The following P4HA3 variants were observed in gnomAD, a reference collection of about 807,000 sequenced individuals.
P4HA3 encodes the protein prolyl 4-hydroxylase subunit alpha 3.
In P4HA3, 60 loss-of-function variants were observed where a neutral mutation model predicts 66.7. That is an observed-to-expected ratio of 0.90 (90% CI 0.73 to 1.12). The LOEUF is 1.12. Among genes scored for constraint, P4HA3 ranks in the 50% most tolerant of loss-of-function variants. P4HA3 has a pLI of 0.00. For missense variants in P4HA3, 683 were observed against 685.8 expected (o/e 1.00, Z 0.05); for synonymous variants, 263 against 274.6 (o/e 0.96, Z 0.42).
At chr11:74,303,352 T>C (rs1861475011) in intron 2 of P4HA3, among the ~76,000 whole-genome samples, 1 of 148,094 alleles carries the variant, frequency 6.8e-6, no homozygotes, top group Non-Finnish European at 1.5e-5. Context: ...TAGAGAGCAG[T>C]GGCGCAATCT....
intron 4 of P4HA3, among the ~76,000 whole-genome samples, chr11:74,289,539 C>T (rs1041241277): frequency 1.3e-5 from 2 of 151,674 alleles, no homozygotes; most frequent in Non-Finnish European, 2.9e-5. Flanking sequence ...TGGTGTGCTG[C>T]ACCCATTAAC....
chr11:74,267,259 G>A lies in P4HA3; in HGVS notation c.1624C>T (p.Pro542Ser). 6.2e-7 allele frequency: 1 copy of A among 1,614,168 alleles called. No homozygotes were observed. Among genetic ancestry groups the A allele is most frequent in the Non-Finnish European group, 8.5e-7 (1 of 1,180,026 alleles). ...TCTCTGCCAACAGTTCAGTCTTCAGGGCTGGAGCTGCAGGGTCTGCGGAAT... is the reference window on the plus strand; with the variant it reads ...TCTCTGCCAACAGTTCAGTCTTCAGAGCTGGAGCTGCAGGGTCTGCGGAAT... ...QEFRRPCSSS[P>S]ED The change falls in exon 13 of 13, where the codon CCT becomes TCT. Residue 542 changes from proline to serine, a missense_variant. Physicochemically the swap from Pro to Ser is moderately conservative, Grantham distance 74. Transcript: ENST00000331597.
intron 4 of P4HA3, among the ~76,000 whole-genome samples, chr11:74,296,089 A>C (rs993863932): frequency 6.6e-6 from 1 of 152,266 alleles, no homozygotes; most frequent in Admixed American, 6.5e-5. Flanking sequence ...TGTATGTATC[A>C]TGTAATAAGA....
chr11:74,251,958 C>T, intron 15 of P4HA3: 1 of 700,878 alleles, frequency 1.4e-6, no homozygotes, highest in Admixed American at 1.8e-5. Context: ...TAGTCTCACT[C>T]CCCACTGTGA....
intron 4 of P4HA3, among the ~76,000 whole-genome samples, chr11:74,292,352 CT>C (rs1555089431): frequency 6.6e-6 from 1 of 151,906 alleles, no homozygotes; most frequent in Non-Finnish European, 1.5e-5. Flanking sequence ...CTTTATTATT[CT>C]TGCTAGCGGT....
At chr11:74,290,368 C>A (rs1458277740) in intron 4 of P4HA3, among the ~76,000 whole-genome samples, 2 of 150,762 alleles carry the variant, frequency 1.3e-5, no homozygotes, top group Non-Finnish European at 3.0e-5. Context: ...GAGTAGGTTG[C>A]GAAAATTTTC....
intron 4 of P4HA3, among the ~76,000 whole-genome samples, chr11:74,293,750 T>C (rs1861116836): frequency 6.6e-6 from 1 of 152,226 alleles, no homozygotes; most frequent in South Asian, 2.1e-4. Context: ...AAAATTCTTT[T>C]CTTTAAGAAT....
chr11:74,302,622 C>G, intron 2 of P4HA3, 30 bp from the exon 3 acceptor site: 2 of 1,582,194 alleles, frequency 1.3e-6, no homozygotes, highest in Non-Finnish European at 1.7e-6. Flanking sequence ...ATCAACCCAG[C>G]ATTCAAGAAA....
At chr11:74,307,483 C>T (rs897761591) in intron 1 of P4HA3, among the ~76,000 whole-genome samples, 1 of 152,106 alleles carries the variant, frequency 6.6e-6, no homozygotes, top group Non-Finnish European at 1.5e-5. Flanking sequence ...TCTATTGCAG[C>T]ACATCAATTC....
chr11:74,282,706 G>A (rs1187210029), intron 7 of P4HA3, among the ~76,000 whole-genome samples: 1 of 152,220 alleles, frequency 6.6e-6, no homozygotes, highest in African/African-American at 2.4e-5. Flanking sequence ...GGCATTTGCA[G>A]AAAGATGATG....
At chr11:74,279,570 T>TAATTAGAGGACATTTTGCA in intron 7 of P4HA3, 118 bp from the exon 8 acceptor site, 1 of 919,448 alleles carries the variant, frequency 1.1e-6, no homozygotes, top group Non-Finnish European at 1.8e-6. Flanking sequence ...AGTTCCTCCT[T>TAATTAGAGGACATTTTGCA]AATTAGAGGA....
At chr11:74,295,676 T>G (rs998923547) in intron 4 of P4HA3, among the ~76,000 whole-genome samples, 2 of 152,230 alleles carry the variant, frequency 1.3e-5, no homozygotes, top group South Asian at 4.1e-4. Context: ...AGTACTTTGA[T>G]GTCATCACAT....
intron 15 of P4HA3, chr11:74,252,628 CA>C: frequency 2.3e-6 from 1 of 434,902 alleles, no homozygotes; most frequent in South Asian, 1.6e-5. Context: ...CTGTCCTGTG[CA>C]TTGTAGGATG....
chr11:74,307,871 T>C (rs1426624810), intron 1 of P4HA3, among the ~76,000 whole-genome samples: 2 of 152,150 alleles, frequency 1.3e-5, no homozygotes, highest in Non-Finnish European at 2.9e-5. Flanking sequence ...TCAGTTCTTC[T>C]GGGACATTAT....
rs1358852126 is a variant in P4HA3, at chr11:74,302,411, C to A, written c.525G>T (p.Arg175=). The A allele has an allele frequency of 3.1e-6, 5 of 1,613,692 alleles. No homozygotes were observed. The highest frequency in any genetic ancestry group is 4.2e-6 in the Non-Finnish European group (5 of 1,179,980). The stretch of plus-strand genomic sequence containing the variant: ...AGTCATCCCCTGTGAGAGAAAAGAG[C>A]CGTTTGGGGCTGTACAGGTCAGTGA... ...SAITDLYSPK[R]LFSLTGDDCF... The change falls in exon 3 of 13, where the codon CGG becomes CGT. Residue 175 remains arginine, a synonymous_variant. Coordinates refer to ENST00000331597, the MANE Select transcript of P4HA3 (RefSeq NM_182904.5).
intron 3 of P4HA3, among the ~76,000 whole-genome samples, chr11:74,298,813 CA>C (rs1199166387): frequency 6.6e-6 from 1 of 152,196 alleles, no homozygotes; most frequent in African/African-American, 2.4e-5. Context: ...ATGGCAGCAA[CA>C]GAAATCTAAA....
chr11:74,264,015 C>T (rs1859951271), downstream of P4HA3, among the ~76,000 whole-genome samples: 1 of 152,200 alleles, frequency 6.6e-6, no homozygotes, highest in Non-Finnish European at 1.5e-5. Context: ...CTAAGTGGGG[C>T]CCAAGGCCAT....
chr11:74,286,172 G>A, intron 6 of P4HA3, 56 bp downstream of exon 6: 1 of 1,572,602 alleles, frequency 6.4e-7, no homozygotes, highest in Non-Finnish European at 8.6e-7. Flanking sequence ...CCCAATTCTA[G>A]CTTCTCAAAC....
At chr11:74,269,742 C>T (rs762439844) in intron 10 of P4HA3, 22 bp from the exon 11 acceptor site, 5 of 1,612,748 alleles carry the variant, frequency 3.1e-6, no homozygotes, top group Admixed American at 3.3e-5. Context: ...GAGGAAGAAG[C>T]CAGAGTTAAA....
Sources: allele counts gnomAD v4.1 joint callset (sites outside exome capture counted in the v4.1 genomes callset), GRCh38; gene constraint gnomAD v4.1.1; transcripts MANE v1.5; gene names NCBI Gene and HGNC (gene_info 2026-07-23, HGNC 2026-07-21).